STXBP5: variants seen among roughly 807,000 people sequenced by gnomAD.
The protein encoded by STXBP5 is syntaxin-binding protein 5.
A neutral mutation model predicts 152.4 loss-of-function variants in STXBP5; 50 were observed. The observed-to-expected ratio is 0.33, with a 90% confidence interval of 0.26 to 0.42. The LOEUF (loss-of-function observed/expected upper bound fraction) is 0.42. Ranked by LOEUF, STXBP5 falls within the 10% of genes least tolerant of loss-of-function variation. The pLI is 1.00. For missense variants in STXBP5, 1,167 were observed against 1,388.6 expected, an observed-to-expected ratio of 0.84 and a Z score of 2.54; for synonymous variants, 492 against 494.7, an observed-to-expected ratio of 0.99 and a Z score of 0.07.
At chr6:147,314,354 C>T (rs1782534658) in intron 13 of STXBP5, 23 bp downstream of exon 13, 2 of 1,593,146 alleles carry the variant, frequency 1.3e-6, no homozygotes, top group African/African-American at 1.3e-5. Flanking sequence ...CTGTCTTCAC[C>T]AAGTAAATCT....
intron 25 of STXBP5, among the ~76,000 whole-genome samples, chr6:147,367,055 G>T (rs1461355184): frequency 6.6e-6 from 1 of 152,000 alleles, no homozygotes; most frequent in Non-Finnish European, 1.5e-5. Flanking sequence ...CACACAAAAG[G>T]ATATTAAAAC....
At chr6:147,230,634 G>T (rs1246567135) in intron 2 of STXBP5, among the ~76,000 whole-genome samples, 1 of 151,578 alleles carries the variant, frequency 6.6e-6, no homozygotes, top group Non-Finnish European at 1.5e-5. Flanking sequence ...ACATTTACAT[G>T]TGAAAATTGG....
At chr6:147,355,805 AT>A (rs2128409546) in intron 22 of STXBP5, among the ~76,000 whole-genome samples, 1 of 152,244 alleles carries the variant, frequency 6.6e-6, no homozygotes, top group South Asian at 2.1e-4. Flanking sequence ...AGTGTTAGTT[AT>A]TTTCACTTCT....
intron 2 of STXBP5, among the ~76,000 whole-genome samples, chr6:147,213,647 G>A (rs918535245): frequency 3.9e-5 from 6 of 151,922 alleles, no homozygotes; most frequent in African/African-American, 1.5e-4. Flanking sequence ...TATCAGTAGT[G>A]TAGCAGTAAT....
At chr6:147,349,893 C>T (rs1461287102) in intron 21 of STXBP5, among the ~76,000 whole-genome samples, 1 of 152,122 alleles carries the variant, frequency 6.6e-6, no homozygotes, top group Admixed American at 6.5e-5. Flanking sequence ...ACACAAGTAA[C>T]AAAAGTTAAT....
At chr6:147,229,529 T>G (rs967040028) in intron 2 of STXBP5, among the ~76,000 whole-genome samples, 1 of 151,948 alleles carries the variant, frequency 6.6e-6, no homozygotes, top group African/African-American at 2.4e-5. Context: ...ATTTTTTCAT[T>G]TATTTAGGGT....
intron 9 of STXBP5, among the ~76,000 whole-genome samples, chr6:147,295,191 T>C (rs574182376): frequency 6.6e-6 from 1 of 152,318 alleles, no homozygotes; most frequent in Admixed American, 6.5e-5. Context: ...TTTTCACTAG[T>C]AGACTATATA....
chr6:147,384,601 C>A, intron 27 of STXBP5, 113 bp from the exon 28 acceptor site: 1 of 1,013,328 alleles, frequency 9.9e-7, no homozygotes, highest in Non-Finnish European at 1.5e-6. Context: ...CATATAGTAG[C>A]ACTACAGAAT....
Position 147,291,080 on chromosome 6 carries a change from A to G in STXBP5, c.839-14A>G, listed in dbSNP as rs766410475. The stretch of plus-strand genomic sequence containing the variant: ...TTAGAATTTTAGAATTTAATGCAGG[A>G]AAATATATTTTAGGAAAACAGTTAA... On this transcript the variant is annotated splice_polypyrimidine_tract_variant and intron_variant, in intron 8 of 27. Transcript: ENST00000321680. 2 of 1,601,426 alleles carry G rather than the reference A, an allele frequency of 1.2e-6. No individual in the cohort carries two copies. The highest frequency in any genetic ancestry group is 2.7e-5 in the African/African-American group (2 of 74,534).
chr6:147,268,597 T>C (rs1023284097), intron 7 of STXBP5, among the ~76,000 whole-genome samples: 11 of 152,244 alleles, frequency 7.2e-5, no homozygotes, highest in African/African-American at 1.9e-4. Context: ...TAAACAAGCA[T>C]GTTTTGAATA....
intron 10 of STXBP5, among the ~76,000 whole-genome samples, chr6:147,310,749 A>G (rs1048954546): frequency 3.9e-5 from 6 of 151,994 alleles, no homozygotes; most frequent in African/African-American, 1.5e-4. Context: ...TTTTCAGGAA[A>G]CCTCAGTTTG....
chr6:147,365,808 G>A (rs1163062618), intron 25 of STXBP5, among the ~76,000 whole-genome samples: 1 of 152,062 alleles, frequency 6.6e-6, no homozygotes, highest in African/African-American at 2.4e-5. Flanking sequence ...CTTTTACATT[G>A]TGCATTCCTT....
At chr6:147,221,348 T>C (rs1325961706) in intron 2 of STXBP5, among the ~76,000 whole-genome samples, 4 of 152,074 alleles carry the variant, frequency 2.6e-5, no homozygotes, top group African/African-American at 7.2e-5. Context: ...AGAAAAGTTT[T>C]TATTTTTGCC....
chr6:147,215,750 G>T (rs1562414157), intron 2 of STXBP5, among the ~76,000 whole-genome samples: 2 of 151,712 alleles, frequency 1.3e-5, no homozygotes, highest in African/African-American at 4.8e-5. Context: ...ATTTTTATAG[G>T]TTTTTTTTAA....
At chr6:147,372,553 G>T (rs1785611077) in intron 25 of STXBP5, among the ~76,000 whole-genome samples, 1 of 148,620 alleles carries the variant, frequency 6.7e-6, no homozygotes, top group Admixed American at 6.8e-5. Context: ...TCCTGCCTCA[G>T]CCTCCTAAGT....
intron 21 of STXBP5, among the ~76,000 whole-genome samples, chr6:147,345,091 G>A (rs1442967192): frequency 6.6e-6 from 1 of 151,936 alleles, no homozygotes; most frequent in Non-Finnish European, 1.5e-5. Flanking sequence ...TTGATTAACA[G>A]GTCTGTATTT....
At chr6:147,326,919 G>T (rs1010527567) in intron 17 of STXBP5, among the ~76,000 whole-genome samples, 3 of 152,168 alleles carry the variant, frequency 2.0e-5, no homozygotes, top group Non-Finnish European at 2.9e-5. Context: ...GATTGATTTA[G>T]TGATATTAAA....
At chr6:147,210,736 A>G (rs1244481517) in intron 2 of STXBP5, among the ~76,000 whole-genome samples, 2 of 152,158 alleles carry the variant, frequency 1.3e-5, no homozygotes. Context: ...TTGTGAGGTT[A>G]TTGTCACGAT....
At chr6:147,323,090 ACT>A (rs1783020104) in intron 16 of STXBP5, among the ~76,000 whole-genome samples, 3 of 147,618 alleles carry the variant, frequency 2.0e-5, no homozygotes, top group South Asian at 2.1e-4. Flanking sequence ...TTGTACATTC[ACT>A]GTTTCTTCTT....
Sources: allele counts gnomAD v4.1 joint callset (sites outside exome capture counted in the v4.1 genomes callset), GRCh38; gene constraint gnomAD v4.1.1; transcripts MANE v1.5; gene names NCBI Gene and HGNC (gene_info 2026-07-23, HGNC 2026-07-21).